Variants in ARMC10 observed in about 807,000 individuals in gnomAD.
ARMC10 encodes armadillo repeat containing 10.
In ARMC10, 23 loss-of-function variants were observed where a neutral mutation model predicts 30.2. That is an observed-to-expected ratio of 0.76 (90% CI 0.55 to 1.08). ARMC10 has a LOEUF of 1.08. ARMC10 is among the 50% of genes least tolerant of loss of function. ARMC10 has a pLI of 0.00. For missense variants in ARMC10, 303 were observed against 413.7 expected (o/e 0.73, Z 2.32); for synonymous variants, 111 against 164.4 (o/e 0.68, Z 2.48).
intron 4 of ARMC10, among the ~76,000 whole-genome samples, chr7:103,087,122 GATTC>G (rs1181728944): frequency 1.3e-5 from 2 of 152,198 alleles, no homozygotes; most frequent in African/African-American, 4.8e-5. Flanking sequence ...TATTACAAGA[GATTC>G]ATTCAGGGAG....
chr7:103,088,751 G>T, intron 4 of ARMC10: 1 of 189,380 alleles, frequency 5.3e-6, no homozygotes, highest in South Asian at 1.2e-4. Context: ...CATATAGTGA[G>T]AACTTATTAC....
intron 4 of ARMC10, among the ~76,000 whole-genome samples, chr7:103,089,906 G>A (rs1203065660): frequency 6.6e-6 from 1 of 152,208 alleles, no homozygotes; most frequent in Non-Finnish European, 1.5e-5. Flanking sequence ...AAGAAAGGTG[G>A]AAGGAAGGAT....
At chr7:103,075,721 C>T in intron 1 of ARMC10, 56 bp from the exon 2 acceptor site, 2 of 1,340,490 alleles carry the variant, frequency 1.5e-6, no homozygotes, top group East Asian at 2.6e-5. Flanking sequence ...GGGATTCTCC[C>T]GATTGTGGAA....
intron 1 of ARMC10, 52 bp from the exon 2 acceptor site, chr7:103,075,725 T>A: frequency 7.3e-7 from 1 of 1,364,938 alleles, no homozygotes; most frequent in Non-Finnish European, 9.9e-7. Flanking sequence ...TTCTCCCGAT[T>A]GTGGAAGGGC....
At chr7:103,084,158 T>G (rs1800629994) in intron 3 of ARMC10, 3 of 651,608 alleles carry the variant, frequency 4.6e-6, no homozygotes, top group Non-Finnish European at 6.9e-6. Flanking sequence ...ATCTAACATT[T>G]AAGTACATAC....
In ARMC10 at chr7:103,098,804, C is replaced by T. The variant is rs1801997386; in HGVS notation, c.*251C>T. ...TTGCAAATGCTTGTTATCTTCCCTA[C>T]ATGAAGTGGCAGTAACCTTTTTCAC... On this transcript the variant is annotated 3_prime_UTR_variant, in exon 7 of 7. Transcript: ENST00000323716. The T allele has an allele frequency of 3.2e-6, 1 of 315,042 alleles. No homozygotes were observed. Among genetic ancestry groups the T allele is most frequent in the Admixed American group, 4.7e-5 (1 of 21,182 alleles). 19.5% of individuals were successfully genotyped at this position (315,042 alleles called of 1,614,324 possible).
chr7:103,082,154 T>C (rs2129521044), intron 2 of ARMC10, among the ~76,000 whole-genome samples: 1 of 152,322 alleles, frequency 6.6e-6, no homozygotes, highest in East Asian at 1.9e-4. Flanking sequence ...AGGCCAACAG[T>C]GTATTCAAAA....
At chr7:103,077,966 G>T (rs1800039820) in intron 2 of ARMC10, among the ~76,000 whole-genome samples, 2 of 152,086 alleles carry the variant, frequency 1.3e-5, no homozygotes. Context: ...TCATCAATAT[G>T]GTTTGGCTTT....
At chr7:103,089,334 C>T (rs539058685) in intron 4 of ARMC10, 1 of 176,398 alleles carries the variant, frequency 5.7e-6, no homozygotes, top group South Asian at 1.2e-4. Flanking sequence ...GAGATTGTGC[C>T]GGTAGTGAAA....
intron 6 of ARMC10, 21 bp downstream of exon 6, chr7:103,097,369 T>C (rs998145305): frequency 1.3e-6 from 2 of 1,524,764 alleles, no homozygotes; most frequent in Admixed American, 1.7e-5. Flanking sequence ...TATATATTTA[T>C]TTTGTAAATA....
At chr7:103,096,581 G>A (rs573128581) in intron 5 of ARMC10, 4 of 151,926 alleles carry the variant, frequency 2.6e-5, no homozygotes, top group East Asian at 1.9e-4. Context: ...CTTTTTTGTC[G>A]GGGGTGAAGA....
chr7:103,097,149 G>A, intron 5 of ARMC10, 128 bp from the exon 6 acceptor site: 1 of 753,916 alleles, frequency 1.3e-6, no homozygotes, highest in Non-Finnish European at 2.3e-6. Context: ...CTGGAGTAGA[G>A]AGAATTTGAG....
At chr7:103,082,693 T>C (rs1800489637) in intron 2 of ARMC10, among the ~76,000 whole-genome samples, 2 of 152,140 alleles carry the variant, frequency 1.3e-5, no homozygotes, top group Non-Finnish European at 2.9e-5. Context: ...TATTGTTGTG[T>C]AACCTCCTCC....
intron 3 of ARMC10, among the ~76,000 whole-genome samples, chr7:103,085,939 T>C (rs371825942): frequency 2.6e-5 from 4 of 152,162 alleles, no homozygotes; most frequent in African/African-American, 7.2e-5. Context: ...TCAAACTGTG[T>C]GGAACCTGAT....
chr7:103,077,716 T>C (rs73410143), intron 2 of ARMC10, among the ~76,000 whole-genome samples: 2,287 of 152,328 alleles, frequency 0.015, 45 homozygotes, highest in African/African-American at 0.053. Context: ...GCCTAATTTG[T>C]TGTCTTTGCC....
rs779255956 is a variant in ARMC10, at chr7:103,075,401, G to T, written c.129G>T (p.Ser43=). The T allele has an allele frequency of 1.1e-5, 14 of 1,291,236 alleles. No homozygotes were observed. Among genetic ancestry groups the T allele is most frequent in the Admixed American group, 6.5e-5 (2 of 30,752 alleles). 80.0% of individuals were successfully genotyped at this position (1,291,236 alleles called of 1,614,324 possible). The change falls in exon 1 of 7, where the codon TCG becomes TCT. Residue 43 remains serine, a synonymous_variant. Coordinates refer to ENST00000323716, the MANE Select transcript of ARMC10 (RefSeq NM_031905.5). ...RGDRELGIRS[S]KSAGALEEGT... is the part of the protein sequence containing the mutation. ...ACCGCGAGCTCGGGATACGCTCTTC[G>T]AAGTCCGCAGGTGGGACCCCGGGGT...
At chr7:103,088,439 A>G (rs917423257) in intron 4 of ARMC10, among the ~76,000 whole-genome samples, 4 of 152,192 alleles carry the variant, frequency 2.6e-5, no homozygotes, top group African/African-American at 7.2e-5. Context: ...GACCACTAGC[A>G]TGCTATTTTG....
At chr7:103,084,043 T>C (rs1242283468) in intron 3 of ARMC10, 1 of 1,504,434 alleles carries the variant, frequency 6.6e-7, no homozygotes, top group African/African-American at 1.4e-5. Context: ...CCTATGAAGT[T>C]GGTCACTGGC....
intron 3 of ARMC10, among the ~76,000 whole-genome samples, chr7:103,085,963 A>C (rs543220477): frequency 5.7e-4 from 87 of 152,286 alleles, no homozygotes; most frequent in African/African-American, 2.0e-3. Context: ...GCAAGATATC[A>C]GTGCGTTCCC....
Sources: allele counts gnomAD v4.1 joint callset (sites outside exome capture counted in the v4.1 genomes callset), GRCh38; gene constraint gnomAD v4.1.1; transcripts MANE v1.5; gene names NCBI Gene and HGNC (gene_info 2026-07-23, HGNC 2026-07-21).